The following PLCB1 variants were observed in gnomAD, a reference collection of about 807,000 sequenced individuals.
PLCB1 encodes the protein 1-phosphatidylinositol 4,5-bisphosphate phosphodiesterase beta-1.
Under a neutral mutation model 161.8 loss-of-function variants are expected in PLCB1, and 46 were observed. The ratio of observed to expected loss-of-function variants is 0.28; its 90% CI spans 0.22 to 0.36. PLCB1 has a LOEUF of 0.36. Ranked by LOEUF, PLCB1 falls within the 10% of genes least tolerant of loss-of-function variation. PLCB1 has a pLI of 1.00. For missense variants in PLCB1, 1,016 were observed against 1,472.5 expected, an observed-to-expected ratio of 0.69 and a Z score of 5.07; for synonymous variants, 517 against 503.7, an observed-to-expected ratio of 1.03 and a Z score of -0.35.
chr20:8,453,222 A>C (rs1053660604), intron 3 of PLCB1, among the ~76,000 whole-genome samples: 3 of 152,206 alleles, frequency 2.0e-5, no homozygotes, highest in African/African-American at 7.2e-5. Flanking sequence ...TCTCCTCCTC[A>C]TATCACCAAA....
At chr20:8,768,261 G>C (rs1340222686) in intron 26 of PLCB1, among the ~76,000 whole-genome samples, 1 of 150,826 alleles carries the variant, frequency 6.6e-6, no homozygotes, top group Non-Finnish European at 1.5e-5. Context: ...TTTTTTTTTT[G>C]TTTCTTCTAA....
At chr20:8,218,317 T>C (rs1479296928) in intron 2 of PLCB1, among the ~76,000 whole-genome samples, 1 of 152,122 alleles carries the variant, frequency 6.6e-6, no homozygotes, top group African/African-American at 2.4e-5. Context: ...ATACATATGC[T>C]CAGAGTTCAG....
chr20:8,669,294 A>C (rs1475077417), intron 9 of PLCB1, among the ~76,000 whole-genome samples: 8 of 152,206 alleles, frequency 5.3e-5, no homozygotes, highest in Non-Finnish European at 1.2e-4. Flanking sequence ...AATTGCTCTA[A>C]GCTCTTTACC....
chr20:8,191,125 C>G (rs115900783), intron 2 of PLCB1, among the ~76,000 whole-genome samples: 34 of 151,664 alleles, frequency 2.2e-4, no homozygotes, highest in Non-Finnish European at 7.4e-5. Context: ...GACATAATTT[C>G]TTATTTTTTA....
chr20:8,232,151 G>C (rs542648297), intron 2 of PLCB1, among the ~76,000 whole-genome samples: 46 of 152,036 alleles, frequency 3.0e-4, no homozygotes, highest in African/African-American at 1.1e-3. Flanking sequence ...AGGCTGTAGT[G>C]CACCATCATG....
rs1259340205 is a variant in PLCB1, at chr20:8,433,495, G to T, written c.246+62045G>T. ...ATTGCAAAGTAAAGCCCCTGCTGTG[G>T]AGTGAATTTGCTTATGTCACACTCT... is the stretch of plus-strand genomic sequence containing the variant. On this transcript the variant is annotated intron_variant, in intron 3 of 31. Coordinates refer to ENST00000338037, the MANE Select transcript of PLCB1 (RefSeq NM_015192.4). Among the ~76,000 whole-genome samples the T allele has an allele frequency of 2.4e-5, 3 of 123,390 alleles. 1 individual carries two copies. Among genetic ancestry groups the T allele is most frequent in the African/African-American group, 6.6e-5 (2 of 30,240 alleles). 80.9% of individuals were successfully genotyped at this position (123,390 alleles called of 152,430 possible).
At chr20:8,158,687 C>A (rs2051588560) in intron 2 of PLCB1, among the ~76,000 whole-genome samples, 1 of 152,154 alleles carries the variant, frequency 6.6e-6, no homozygotes, top group Non-Finnish European at 1.5e-5. Flanking sequence ...TTTCTAGATA[C>A]AATGGAGGTA....
intron 3 of PLCB1, among the ~76,000 whole-genome samples, chr20:8,388,250 C>T (rs1258584820): frequency 2.0e-5 from 3 of 151,998 alleles, no homozygotes; most frequent in South Asian, 4.1e-4. Context: ...CAAATTAGGC[C>T]GTTTATTTAA....
chr20:8,671,571 T>C (rs995873025), intron 9 of PLCB1, among the ~76,000 whole-genome samples: 4 of 152,174 alleles, frequency 2.6e-5, no homozygotes, highest in Non-Finnish European at 5.9e-5. Context: ...GGGTCATTTG[T>C]CCACCGGAGC....
chr20:8,554,815 A>T (rs1985896980), intron 3 of PLCB1, among the ~76,000 whole-genome samples: 1 of 152,154 alleles, frequency 6.6e-6, no homozygotes. Context: ...TAATAATATT[A>T]GTATCACCTG....
intron 2 of PLCB1, among the ~76,000 whole-genome samples, chr20:8,250,602 C>T (rs568382670): frequency 2.6e-5 from 4 of 151,972 alleles, no homozygotes; most frequent in South Asian, 2.1e-4. Context: ...ATCAATAAAG[C>T]ATACCTACAA....
intron 3 of PLCB1, among the ~76,000 whole-genome samples, chr20:8,477,230 C>T (rs973616040): frequency 4.6e-5 from 7 of 152,140 alleles, no homozygotes; most frequent in African/African-American, 1.4e-4. Flanking sequence ...GCAATTCCAA[C>T]GCATGTTCAA....
chr20:8,186,501 G>A (rs1216626259), intron 2 of PLCB1, among the ~76,000 whole-genome samples: 1 of 152,092 alleles, frequency 6.6e-6, no homozygotes, highest in Non-Finnish European at 1.5e-5. Flanking sequence ...TGTGACATAA[G>A]CCTTGTAGAG....
intron 31 of PLCB1, among the ~76,000 whole-genome samples, chr20:8,854,187 C>T (rs2146305276): frequency 6.6e-6 from 1 of 152,246 alleles, no homozygotes; most frequent in Non-Finnish European, 1.5e-5. Context: ...GTGTGCAAAA[C>T]TCAATTGCAC....
At position 8,276,974 on chromosome 20, in the gene PLCB1, CTTCTTCTTCTTCTTATTA is replaced by C. The variant is rs1321195004; in HGVS notation, c.178-94405_178-94388del. 1.8e-3 allele frequency among the ~76,000 whole-genome samples: 184 copies of C among 100,932 alleles called. 2 individuals carry two copies. Among genetic ancestry groups the C allele is most frequent in the Middle Eastern group, 4.8e-3 (1 of 208 alleles). The allele number at this position is 100,932 out of a possible 152,430, so 66.2% of individuals were successfully genotyped here. A position where few individuals can be genotyped will look rare whatever the true frequency, so the allele number is the denominator to read the frequency against. ...TCTTCTTCTTCTTCTTCTTCTTCTT[CTTCTTCTTCTTCTTATTA>C]TTATTATTATTATTATTATTATTGT... On this transcript the variant is annotated intron_variant, in intron 2 of 31. Transcript: ENST00000338037.
At chr20:8,298,721 T>A (rs1488939395) in intron 2 of PLCB1, among the ~76,000 whole-genome samples, 3 of 152,154 alleles carry the variant, frequency 2.0e-5, no homozygotes, top group Non-Finnish European at 4.4e-5. Context: ...AAATAAATAA[T>A]TGCATGTAAA....
chr20:8,684,819 A>C, intron 9 of PLCB1, 113 bp from the exon 10 acceptor site: 1 of 686,232 alleles, frequency 1.5e-6, no homozygotes, highest in South Asian at 2.2e-5. Flanking sequence ...TCCATACTAA[A>C]ATGTCTTCTA....
rs1255005106 is a variant in PLCB1 at position 8,739,328 on chromosome 20, A to T, written c.2276A>T (p.His759Leu). 3.1e-6 allele frequency: 5 copies of T among 1,613,764 alleles called. No individual in the cohort carries two copies. Among genetic ancestry groups the T allele is most frequent in the Non-Finnish European group, 4.2e-6 (5 of 1,179,724 alleles). ...VYEEGGKFIG[H>L]RILPVQAIRP... ...GAAGAAGGAGGTAAATTCATTGGCCACCGTATCTTGCCAGTGCAAGCCATT... is the reference window on the plus strand; with the variant it reads ...GAAGAAGGAGGTAAATTCATTGGCCTCCGTATCTTGCCAGTGCAAGCCATT... The change falls in exon 21 of 32, where the codon CAC becomes CTC. Residue 759 changes from histidine (H) to leucine (L), a missense_variant. Physicochemically the swap from His to Leu is moderately conservative, Grantham distance 99 (BLOSUM62 -3). Transcript: ENST00000338037.
chr20:8,812,927 G>C (rs1368138743), intron 31 of PLCB1, among the ~76,000 whole-genome samples: 3 of 152,202 alleles, frequency 2.0e-5, no homozygotes, highest in African/African-American at 7.2e-5. Context: ...CCCTCTGGGA[G>C]AGTGGTTTGA....
Sources: allele counts gnomAD v4.1 joint callset (sites outside exome capture counted in the v4.1 genomes callset), GRCh38; gene constraint gnomAD v4.1.1; transcripts MANE v1.5; gene names NCBI Gene and HGNC (gene_info 2026-07-23, HGNC 2026-07-21).